Variants in SAMD12 observed in about 807,000 individuals in gnomAD.
The protein encoded by SAMD12 is sterile alpha motif domain-containing protein 12.
In SAMD12, 9 loss-of-function variants were observed where a neutral mutation model predicts 15.0. The ratio of observed to expected loss-of-function variants is 0.60; its 90% CI spans 0.36 to 1.05. SAMD12 has a LOEUF of 1.05. Ranked by LOEUF, SAMD12 falls within the 50% of genes least tolerant of loss-of-function variation. The pLI is 0.01. For missense variants in SAMD12, 230 were observed against 234.2 expected (o/e 0.98, Z 0.12); for synonymous variants, 86 against 90.1 (o/e 0.96, Z 0.25).
chr8:118,318,350 ATATATACATATAT>A (rs1229768354), intron 4 of SAMD12, among the ~76,000 whole-genome samples: 1 of 100,052 alleles, frequency 1.0e-5, no homozygotes, highest in Non-Finnish European at 2.3e-5. Context: ...ATATATATAT[ATATATACATATAT>A]ACCATGGAAC....
At chr8:118,454,296 T>G (rs765507647) in intron 2 of SAMD12, among the ~76,000 whole-genome samples, 38 of 152,236 alleles carry the variant, frequency 2.5e-4, no homozygotes, top group Non-Finnish European at 4.4e-4. Context: ...CCTTCAAATG[T>G]TGCTGTGAGA....
intron 2 of SAMD12, among the ~76,000 whole-genome samples, chr8:118,471,394 C>T (rs909620650): frequency 5.3e-5 from 8 of 152,168 alleles, no homozygotes; most frequent in Non-Finnish European, 1.2e-4. Context: ...GCAATTTCAT[C>T]GTGTACTCCA....
intron 1 of SAMD12, among the ~76,000 whole-genome samples, chr8:118,582,242 C>CA (rs1303722284): frequency 6.6e-6 from 1 of 152,160 alleles, no homozygotes; most frequent in African/African-American, 2.4e-5. Context: ...AGCCTAGACA[C>CA]ACCTTTCTTA....
chr8:118,563,389 G>A (rs914357731), intron 2 of SAMD12, among the ~76,000 whole-genome samples: 1 of 152,202 alleles, frequency 6.6e-6, no homozygotes, highest in East Asian at 1.9e-4. Context: ...ATTGTCAGCA[G>A]GAGCCATCCA....
chr8:118,601,278 A>G (rs1378306131), intron 1 of SAMD12, among the ~76,000 whole-genome samples: 1 of 152,154 alleles, frequency 6.6e-6, no homozygotes, highest in Non-Finnish European at 1.5e-5. Flanking sequence ...TTAAATTTCT[A>G]ATTGTATCTT....
At chr8:118,295,151 C>T (rs1201993372) in intron 4 of SAMD12, among the ~76,000 whole-genome samples, 2 of 152,056 alleles carry the variant, frequency 1.3e-5, no homozygotes, top group African/African-American at 4.8e-5. Context: ...TTCTCCATCA[C>T]AACATGAACT....
intron 2 of SAMD12, among the ~76,000 whole-genome samples, chr8:118,453,425 A>G (rs1823142219): frequency 6.6e-6 from 1 of 152,152 alleles, no homozygotes. Context: ...AAGTAAATAG[A>G]CTTTCTTTTT....
At chr8:118,313,540 A>C (rs560455655) in intron 4 of SAMD12, among the ~76,000 whole-genome samples, 1 of 152,250 alleles carries the variant, frequency 6.6e-6, no homozygotes, top group African/African-American at 2.4e-5. Context: ...AAGTATGTGG[A>C]AATTAACAAA....
chr8:118,212,116 G>C (rs1811845652), intron 4 of SAMD12, among the ~76,000 whole-genome samples: 1 of 151,614 alleles, frequency 6.6e-6, no homozygotes, highest in African/African-American at 2.4e-5. Context: ...TTAAATCCAA[G>C]ATACATTTTT....
At chr8:118,379,953 ATG>A (rs1227844258) in intron 3 of SAMD12, among the ~76,000 whole-genome samples, 1 of 152,196 alleles carries the variant, frequency 6.6e-6, no homozygotes, top group Non-Finnish European at 1.5e-5. Context: ...TTCAGTTAGA[ATG>A]TGTGACTCAT....
At chr8:118,318,355 T>TCGC (rs1816052601) in intron 4 of SAMD12, among the ~76,000 whole-genome samples, 3 of 110,830 alleles carry the variant, frequency 2.7e-5, no homozygotes, top group African/African-American at 9.5e-5. Context: ...TATATATATA[T>TCGC]ACATATATAC....
At chr8:118,330,080 T>C (rs895568406) in intron 4 of SAMD12, among the ~76,000 whole-genome samples, 2 of 152,246 alleles carry the variant, frequency 1.3e-5, no homozygotes, top group Non-Finnish European at 2.9e-5. Context: ...TCTAACCCAA[T>C]TGTCACCAAT....
intron 2 of SAMD12, among the ~76,000 whole-genome samples, chr8:118,539,075 C>A (rs1825923026): frequency 6.6e-6 from 1 of 152,196 alleles, no homozygotes; most frequent in African/African-American, 2.4e-5. Flanking sequence ...AGGCATTCCA[C>A]ATTAAAACAT....
chr8:118,371,751 T>C (rs1044203174), intron 4 of SAMD12, among the ~76,000 whole-genome samples: 9 of 152,096 alleles, frequency 5.9e-5, no homozygotes, highest in African/African-American at 2.2e-4. Flanking sequence ...AAAACGTAAA[T>C]CTGAGAGTCA....
chr8:118,242,278 A>T (rs919926401), intron 4 of SAMD12, among the ~76,000 whole-genome samples: 1 of 152,188 alleles, frequency 6.6e-6, no homozygotes, highest in Non-Finnish European at 1.5e-5. Context: ...CTGAAGAAAG[A>T]AAGTTAACAC....
chr8:118,365,718 A>G (rs1818729985), intron 4 of SAMD12, among the ~76,000 whole-genome samples: 1 of 152,096 alleles, frequency 6.6e-6, no homozygotes, highest in African/African-American at 2.4e-5. Flanking sequence ...ATATGTCTAT[A>G]TATACCCTAT....
intron 3 of SAMD12, among the ~76,000 whole-genome samples, chr8:118,395,326 C>T (rs577272952): frequency 4.6e-5 from 7 of 152,224 alleles, no homozygotes; most frequent in Admixed American, 6.5e-5. Flanking sequence ...GCTTGAAGGC[C>T]CAGGCCACTT....
chr8:118,371,734 G>C (rs1819106712), intron 4 of SAMD12, among the ~76,000 whole-genome samples: 1 of 152,156 alleles, frequency 6.6e-6, no homozygotes. Flanking sequence ...TAGTTTCAGA[G>C]AGGTCTAAAA....
chr8:118,535,116 A>T (rs571081359), intron 2 of SAMD12, among the ~76,000 whole-genome samples: 1 of 152,180 alleles, frequency 6.6e-6, no homozygotes, highest in South Asian at 2.1e-4. Flanking sequence ...TGAGGTACAG[A>T]TGGGGTTTTG....
Sources: gnomAD v4.1 joint callset for allele counts (sites outside exome capture counted in the v4.1 genomes callset) on GRCh38, gnomAD v4.1.1 for gene constraint, MANE v1.5 for transcripts, NCBI Gene and HGNC (gene_info 2026-07-23, HGNC 2026-07-21) for gene names.